TNKS: variants seen among roughly 807,000 people sequenced by gnomAD.
The protein encoded by TNKS is poly [ADP-ribose] polymerase tankyrase-1.
Under a neutral mutation model 135.8 loss-of-function variants are expected in TNKS, and 72 were observed. That is an observed-to-expected ratio of 0.53 (90% confidence interval 0.44 to 0.64). The LOEUF (loss-of-function observed/expected upper bound fraction) is 0.64. TNKS is among the 30% of genes least tolerant of loss of function. The pLI is 0.00. For synonymous variants in TNKS, 849 were observed against 649.3 expected, an observed-to-expected ratio of 1.31 and a Z score of -4.68; for missense variants, 1,769 against 1,674.0, an observed-to-expected ratio of 1.06 and a Z score of -0.99.
chr8:9,672,551 T>A (rs1490595797), intron 3 of TNKS, among the ~76,000 whole-genome samples: 1 of 150,844 alleles, frequency 6.6e-6, no homozygotes, highest in East Asian at 1.9e-4. Flanking sequence ...GGACCTGTGA[T>A]ATAGAACAAA....
chr8:9,655,135 T>G (rs1253412664), intron 3 of TNKS, among the ~76,000 whole-genome samples: 7 of 152,178 alleles, frequency 4.6e-5, no homozygotes. Flanking sequence ...CCATGGAGCC[T>G]CACTCATTGC....
At chr8:9,641,433 C>A (rs1206052740) in intron 3 of TNKS, among the ~76,000 whole-genome samples, 6 of 144,622 alleles carry the variant, frequency 4.1e-5, no homozygotes, top group African/African-American at 1.5e-4. Flanking sequence ...TTATAAATAT[C>A]TCTGCTTCAT....
At chr8:9,614,924 G>A (rs1218711438) in intron 2 of TNKS, among the ~76,000 whole-genome samples, 3 of 152,104 alleles carry the variant, frequency 2.0e-5, no homozygotes, top group Non-Finnish European at 4.4e-5. Flanking sequence ...AATATGGCAG[G>A]CATTACATTC....
At chr8:9,680,110 A>G in intron 4 of TNKS, 123 bp downstream of exon 4, 1 of 678,584 alleles carries the variant, frequency 1.5e-6, no homozygotes, top group Non-Finnish European at 2.6e-6. Flanking sequence ...AATTATGCAG[A>G]TACTAAATCT....
intron 25 of TNKS, among the ~76,000 whole-genome samples, chr8:9,767,033 G>A (rs1807490624): frequency 6.6e-6 from 1 of 152,170 alleles, no homozygotes; most frequent in African/African-American, 2.4e-5. Flanking sequence ...TCAGAATATG[G>A]CAAGGCTAAG....
intron 3 of TNKS, among the ~76,000 whole-genome samples, chr8:9,659,096 T>A (rs891463520): frequency 6.6e-6 from 1 of 152,128 alleles, no homozygotes; most frequent in Non-Finnish European, 1.5e-5. Context: ...AAGTCCTTAG[T>A]GAAGTACAAA....
chr8:9,705,032 A>G (rs1304961448), intron 6 of TNKS, among the ~76,000 whole-genome samples: 1 of 152,178 alleles, frequency 6.6e-6, no homozygotes, highest in East Asian at 1.9e-4. Flanking sequence ...TCAACTCTTA[A>G]ATTGCATTTT....
In TNKS at chr8:9,778,277, G is replaced by A. The variant is rs531496863; in HGVS notation, c.*1541G>A. 13 of 152,346 alleles carry A rather than the reference G, an allele frequency of 8.5e-5. No homozygotes were observed. The highest frequency in any genetic ancestry group is 2.2e-4 in the African/African-American group (9 of 41,530). The allele number at this position is 152,346 out of a possible 1,614,324, so 9.4% of individuals were successfully genotyped here. A position where few individuals can be genotyped will look rare whatever the true frequency, so the allele number is the denominator to read the frequency against. ...TTTGAAGCGAAAGAAATATAAACAC[G>A]AGGAGGAATAGGAAAGACAGTGTGA... On this transcript the variant is annotated 3_prime_UTR_variant, in exon 27 of 27. Transcript: ENST00000310430.
At chr8:9,668,306 A>G (rs939545532) in intron 3 of TNKS, among the ~76,000 whole-genome samples, 2 of 152,220 alleles carry the variant, frequency 1.3e-5, no homozygotes, top group Admixed American at 1.3e-4. Context: ...GTCATGGACC[A>G]CTTTAAGGAG....
intron 26 of TNKS, among the ~76,000 whole-genome samples, chr8:9,772,809 T>TGTG (rs1563227259): frequency 2.0e-4 from 17 of 86,692 alleles, no homozygotes; most frequent in South Asian, 3.9e-4. Context: ...GTGTGTGTGT[T>TGTG]TGTGTGTGTG....
At chr8:9,667,110 A>G (rs1003429195) in intron 3 of TNKS, among the ~76,000 whole-genome samples, 2 of 152,230 alleles carry the variant, frequency 1.3e-5, no homozygotes, top group Non-Finnish European at 1.5e-5. Flanking sequence ...TGGGAGGAAC[A>G]TAAGTCATTC....
chr8:9,676,811 A>G (rs1490972128), intron 3 of TNKS, among the ~76,000 whole-genome samples: 3 of 152,140 alleles, frequency 2.0e-5, no homozygotes, highest in Non-Finnish European at 1.5e-5. Flanking sequence ...CTTACTTTCA[A>G]AAATTCCATT....
intron 17 of TNKS, among the ~76,000 whole-genome samples, chr8:9,736,142 A>G (rs1471454565): frequency 1.3e-5 from 2 of 150,756 alleles, no homozygotes; most frequent in Non-Finnish European, 3.0e-5. Flanking sequence ...TACCTCAAGT[A>G]TATTTTAAAA....
chr8:9,773,190 C>T (rs984160338), intron 26 of TNKS, among the ~76,000 whole-genome samples: 1 of 151,840 alleles, frequency 6.6e-6, no homozygotes, highest in Non-Finnish European at 1.5e-5. Context: ...GTGATAGTCA[C>T]AAACACACAC....
At chr8:9,622,362 T>G (rs750059604) in intron 3 of TNKS, among the ~76,000 whole-genome samples, 4 of 152,228 alleles carry the variant, frequency 2.6e-5, no homozygotes, top group Admixed American at 1.3e-4. Flanking sequence ...GTGACAATAA[T>G]AATAGCTGAC....
At chr8:9,582,892 C>T (rs1021248919) in intron 2 of TNKS, among the ~76,000 whole-genome samples, 1 of 152,026 alleles carries the variant, frequency 6.6e-6, no homozygotes. Flanking sequence ...TAGGGGCAGG[C>T]GCGGTGGCTC....
rs543531431 is a variant in TNKS, at chr8:9,560,222, C to A, written c.673+3610C>A. On this transcript the variant is annotated intron_variant, in intron 1 of 26. Transcript: ENST00000310430. ...TTTTATAGAAAAGTTTAAATGAGGT[C>A]TTTTTTTTATTAAGGCCTTAGTAAA... Among the ~76,000 whole-genome samples, 6 of 151,560 alleles carry A rather than the reference C, an allele frequency of 4.0e-5. No homozygotes were observed. The East Asian group carries it at 1.2e-3, about 29-fold the overall frequency.
At chr8:9,656,817 C>G (rs4351421) in intron 3 of TNKS, among the ~76,000 whole-genome samples, 1 of 139,220 alleles carries the variant, frequency 7.2e-6, no homozygotes, top group Non-Finnish European at 1.5e-5. Context: ...GGAGTGGTGA[C>G]GACTCTTAAC....
At chr8:9,704,921 A>G (rs1803979545) in intron 6 of TNKS, among the ~76,000 whole-genome samples, 164 bp downstream of exon 6, 1 of 152,218 alleles carries the variant, frequency 6.6e-6, no homozygotes, top group South Asian at 2.1e-4. Context: ...GTACCTACTT[A>G]ATTAAGGATA....
Sources: gnomAD v4.1 joint callset for allele counts (sites outside exome capture counted in the v4.1 genomes callset) on GRCh38, gnomAD v4.1.1 for gene constraint, MANE v1.5 for transcripts, NCBI Gene and HGNC (gene_info 2026-07-23, HGNC 2026-07-21) for gene names.